MARCHF1: variants seen among roughly 807,000 people sequenced by gnomAD.
MARCHF1 encodes the protein E3 ubiquitin-protein ligase MARCHF1.
A neutral mutation model predicts 54.2 loss-of-function variants in MARCHF1; 40 were observed. The ratio of observed to expected loss-of-function variants is 0.74; its 90% CI spans 0.57 to 0.96. The LOEUF is 0.96. Among genes scored for constraint, MARCHF1 ranks in the 40% least tolerant of loss-of-function variants. The probability of loss-of-function intolerance (pLI) is 0.00; values close to 1 mark genes in which losing one functional copy is unlikely to be tolerated. For missense variants in MARCHF1, 586 were observed against 656.5 expected, an observed-to-expected ratio of 0.89 and a Z score of 1.17; for synonymous variants, 236 against 236.3, an observed-to-expected ratio of 1.00 and a Z score of 0.01.
intron 1 of MARCHF1, among the ~76,000 whole-genome samples, chr4:164,365,658 C>T (rs750073747): frequency 1.3e-5 from 2 of 151,900 alleles, no homozygotes; most frequent in African/African-American, 4.8e-5. Context: ...TCATACTTTA[C>T]CAATGAGAAA....
chr4:164,314,211 A>G (rs1579713349), intron 1 of MARCHF1, among the ~76,000 whole-genome samples: 1 of 152,346 alleles, frequency 6.6e-6, no homozygotes, highest in East Asian at 1.9e-4. Flanking sequence ...CACTTTGTCT[A>G]TATTTAATTA....
At position 163,942,527 on chromosome 4, in the gene MARCHF1, G is replaced by T. The variant is rs116399595; in HGVS notation, c.-39+45974C>A. ...GTGACTGATTATATGGGCACAGAGA[G>T]TCATGAAAGTGCATGTTTAAAAGGA... On this transcript the variant is annotated intron_variant, in intron 3 of 9. Coordinates refer to ENST00000514618, the MANE Select transcript of MARCHF1 (RefSeq NM_001394959.1). Among the ~76,000 whole-genome samples the T allele has an allele frequency of 3.5e-3, 531 of 152,306 alleles. 4 individuals are homozygous for T. Among genetic ancestry groups the T allele is most frequent in the African/African-American group, 0.013 (521 of 41,572 alleles).
At chr4:164,257,481 A>T (rs905252329) in intron 1 of MARCHF1, among the ~76,000 whole-genome samples, 1 of 111,958 alleles carries the variant, frequency 8.9e-6, no homozygotes, top group Non-Finnish European at 2.1e-5. Context: ...CTTTTTTTCT[A>T]ACACATTTGT....
At chr4:164,016,038 T>C (rs1397876488) in intron 2 of MARCHF1, among the ~76,000 whole-genome samples, 1 of 152,158 alleles carries the variant, frequency 6.6e-6, no homozygotes, top group Non-Finnish European at 1.5e-5. Context: ...CCACAACAGC[T>C]AAGATATGGA....
In MARCHF1 at chr4:163,817,324, C is replaced by T. The variant is rs149983729; in HGVS notation, c.111+36697G>A. The stretch of plus-strand genomic sequence containing the variant: ...ATACATACATATATATGTACATATA[C>T]ACATATACATATATATGTACATATA... On this transcript the variant is annotated intron_variant, in intron 4 of 9. Coordinates refer to ENST00000514618, the MANE Select transcript of MARCHF1 (RefSeq NM_001394959.1). 2.7e-3 allele frequency among the ~76,000 whole-genome samples: 397 copies of T among 148,722 alleles called. 1 individual carries two copies. The highest frequency in any genetic ancestry group is 8.1e-3 in the African/African-American group (328 of 40,408).
At chr4:163,586,076 G>T in intron 7 of MARCHF1, 147 bp from the exon 8 acceptor site, 1 of 640,540 alleles carries the variant, frequency 1.6e-6, no homozygotes. Flanking sequence ...TTTGATGCTA[G>T]AACCAAATCT....
chr4:163,975,164 GCTCTCTCTCTCTCTCTCT>G (rs55675178), intron 3 of MARCHF1, among the ~76,000 whole-genome samples: 2 of 127,100 alleles, frequency 1.6e-5, no homozygotes, highest in African/African-American at 2.9e-5. Context: ...TCATAATAAA[GCTCTCTCTCTCTCTCTCT>G]CTCTCTCTCT....
At chr4:163,972,473 C>T (rs955340074) in intron 3 of MARCHF1, among the ~76,000 whole-genome samples, 1 of 152,118 alleles carries the variant, frequency 6.6e-6, no homozygotes, top group Non-Finnish European at 1.5e-5. Flanking sequence ...AAGTACAATG[C>T]ACTATTAAGT....
At chr4:163,925,942 T>A (rs1417915501) in intron 3 of MARCHF1, among the ~76,000 whole-genome samples, 1 of 151,744 alleles carries the variant, frequency 6.6e-6, no homozygotes, top group Non-Finnish European at 1.5e-5. Context: ...CCAGGAAGTA[T>A]TTAGTTGCAA....
At chr4:163,790,890 T>C (rs968613373) in intron 4 of MARCHF1, among the ~76,000 whole-genome samples, 3 of 152,092 alleles carry the variant, frequency 2.0e-5, no homozygotes, top group Non-Finnish European at 2.9e-5. Flanking sequence ...GGAATGTAAT[T>C]AAGGGGCAAG....
chr4:163,684,694 T>C (rs554658544), intron 5 of MARCHF1, among the ~76,000 whole-genome samples: 9 of 152,378 alleles, frequency 5.9e-5, no homozygotes, highest in African/African-American at 2.2e-4. Flanking sequence ...TTTATTTTAT[T>C]GCCTCTGGGC....
At chr4:164,131,622 G>A (rs1249024667) in intron 1 of MARCHF1, among the ~76,000 whole-genome samples, 1 of 152,082 alleles carries the variant, frequency 6.6e-6, no homozygotes, top group Admixed American at 6.6e-5. Context: ...GAAACAATTT[G>A]TGACTATCCC....
intron 3 of MARCHF1, among the ~76,000 whole-genome samples, chr4:163,905,261 A>G (rs4611878): frequency 0.94 from 143,285 of 152,144 alleles, 67,893 homozygotes; most frequent in South Asian, 0.99. Context: ...CAAGCCTACT[A>G]TAATTTTCAA....
At chr4:163,863,290 G>A (rs1224837501) in intron 3 of MARCHF1, among the ~76,000 whole-genome samples, 1 of 152,084 alleles carries the variant, frequency 6.6e-6, no homozygotes, top group Non-Finnish European at 1.5e-5. Context: ...CCTAAGCTAA[G>A]TACCTTTAGA....
At chr4:164,369,256 G>A (rs551141315) in intron 1 of MARCHF1, among the ~76,000 whole-genome samples, 4 of 152,254 alleles carry the variant, frequency 2.6e-5, no homozygotes, top group African/African-American at 9.6e-5. Context: ...GTTCTTCTCT[G>A]TGTCTACATT....
intron 1 of MARCHF1, among the ~76,000 whole-genome samples, chr4:164,186,524 T>G (rs1730975406): frequency 6.6e-6 from 1 of 152,188 alleles, no homozygotes; most frequent in African/African-American, 2.4e-5. Context: ...AGGGTGACTT[T>G]TGTGTTATCT....
At chr4:163,852,688 C>A (rs1167070934) in intron 4 of MARCHF1, among the ~76,000 whole-genome samples, 1 of 152,132 alleles carries the variant, frequency 6.6e-6, no homozygotes, top group African/African-American at 2.4e-5. Flanking sequence ...AAGCAAGATC[C>A]TCACTTCTCT....
chr4:164,096,191 C>T (rs1053843432), intron 2 of MARCHF1, among the ~76,000 whole-genome samples: 1 of 152,022 alleles, frequency 6.6e-6, no homozygotes, highest in African/African-American at 2.4e-5. Context: ...GGTGGACTGA[C>T]TAAAGAATAT....
chr4:164,179,227 C>T (rs906516621), intron 1 of MARCHF1, among the ~76,000 whole-genome samples: 19 of 152,122 alleles, frequency 1.2e-4, no homozygotes, highest in Non-Finnish European at 2.6e-4. Context: ...TAATGGAACT[C>T]TGTAAAGGAA....
Sources: gnomAD v4.1 joint callset for allele counts (sites outside exome capture counted in the v4.1 genomes callset) on GRCh38, gnomAD v4.1.1 for gene constraint, MANE v1.5 for transcripts, NCBI Gene and HGNC (gene_info 2026-07-23, HGNC 2026-07-21) for gene names.